Variants in SLC44A5 observed in about 807,000 individuals in gnomAD.
SLC44A5 encodes the protein solute carrier family 44 member 5.
Under a neutral mutation model 101.8 loss-of-function variants are expected in SLC44A5, and 57 were observed. That is an observed-to-expected ratio of 0.56 (90% CI 0.45 to 0.70). The LOEUF (loss-of-function observed/expected upper bound fraction) is 0.70. Among genes scored for constraint, SLC44A5 ranks in the 30% least tolerant of loss-of-function variants. The pLI, the probability that SLC44A5 is intolerant of heterozygous loss-of-function variation, is 0.00. For synonymous variants in SLC44A5, 281 were observed against 290.9 expected (o/e 0.97, Z 0.35); for missense variants, 737 against 853.1 (o/e 0.86, Z 1.70).
the SLC44A5 span, among the ~76,000 whole-genome samples, chr1:75,638,704 C>G: frequency 1.3e-5 from 2 of 152,004 alleles, no homozygotes; most frequent in Non-Finnish European, 2.9e-5. Flanking sequence ...TAGTTTTCAG[C>G]CAATCAACTT....
At chr1:75,528,550 A>G (rs1670550601) in intron 2 of SLC44A5, among the ~76,000 whole-genome samples, 1 of 152,148 alleles carries the variant, frequency 6.6e-6, no homozygotes, top group Admixed American at 6.5e-5. Context: ...TTCTTCTATG[A>G]AAACATGTGC....
chr1:75,496,538 TG>T (rs1668680951), intron 2 of SLC44A5, among the ~76,000 whole-genome samples: 1 of 151,670 alleles, frequency 6.6e-6, no homozygotes, highest in Non-Finnish European at 1.5e-5. Context: ...ACAAGCTCTA[TG>T]ATGTTGGTCT....
intron 6 of SLC44A5, among the ~76,000 whole-genome samples, chr1:75,252,412 C>A (rs1305912150): frequency 6.6e-6 from 1 of 152,302 alleles, no homozygotes; most frequent in Middle Eastern, 3.4e-3. Context: ...GGGATAGATC[C>A]TTTAATCACT....
chr1:75,233,113 G>A (rs1162945014), intron 12 of SLC44A5, among the ~76,000 whole-genome samples: 1 of 152,096 alleles, frequency 6.6e-6, no homozygotes, highest in African/African-American at 2.4e-5. Flanking sequence ...TGTTCCACGT[G>A]AGACACTTTA....
At chr1:75,713,739 T>C in the SLC44A5 span, among the ~76,000 whole-genome samples, 1 of 152,174 alleles carries the variant, frequency 6.6e-6, no homozygotes, top group Non-Finnish European at 1.5e-5. Flanking sequence ...ATCTTGATGT[T>C]ATTATATTTA....
At chr1:75,433,783 C>A (rs1664740368) in intron 2 of SLC44A5, among the ~76,000 whole-genome samples, 1 of 152,096 alleles carries the variant, frequency 6.6e-6, no homozygotes, top group South Asian at 2.1e-4. Context: ...TAAAGATGTA[C>A]CCGAGACTGG....
intron 2 of SLC44A5, among the ~76,000 whole-genome samples, chr1:75,496,336 C>T (rs1451705302): frequency 6.6e-6 from 1 of 152,004 alleles, no homozygotes; most frequent in East Asian, 1.9e-4. Flanking sequence ...ACAAGGGTAC[C>T]AAGAACAGAC....
intron 3 of SLC44A5, among the ~76,000 whole-genome samples, chr1:75,385,789 C>A (rs1213301928): frequency 5.3e-5 from 8 of 152,030 alleles, no homozygotes; most frequent in African/African-American, 1.9e-4. Context: ...CCTTGATGAA[C>A]ATTGATGCAA....
chr1:75,541,877 TTTATG>T (rs1443606792), intron 1 of SLC44A5, among the ~76,000 whole-genome samples: 5 of 152,154 alleles, frequency 3.3e-5, no homozygotes, highest in Non-Finnish European at 5.9e-5. Context: ...AGCATTTACA[TTTATG>T]TTTTATGTTT....
intron 2 of SLC44A5, among the ~76,000 whole-genome samples, chr1:75,454,462 G>A (rs1300275112): frequency 6.6e-6 from 1 of 151,962 alleles, no homozygotes; most frequent in Non-Finnish European, 1.5e-5. Context: ...GGCAAAAGCT[G>A]GAAACATTCC....
At chr1:75,291,788 G>A (rs1653566051) in intron 5 of SLC44A5, among the ~76,000 whole-genome samples, 1 of 152,040 alleles carries the variant, frequency 6.6e-6, no homozygotes, top group Non-Finnish European at 1.5e-5. Flanking sequence ...AAGGCGGGTG[G>A]ATCACGAGTT....
At chr1:75,641,864 A>G in the SLC44A5 span, 1 of 1,503,058 alleles carries the variant, frequency 6.7e-7, no homozygotes, top group East Asian at 2.3e-5. Flanking sequence ...AAATACCACT[A>G]CTGTGATATA....
intron 4 of SLC44A5, among the ~76,000 whole-genome samples, chr1:75,329,324 A>G (rs1656847805): frequency 6.6e-6 from 1 of 152,150 alleles, no homozygotes; most frequent in Non-Finnish European, 1.5e-5. Flanking sequence ...TCTGACCCCA[A>G]GAACCCAATC....
At chr1:75,307,254 G>A (rs765830465) in intron 4 of SLC44A5, among the ~76,000 whole-genome samples, 1 of 152,082 alleles carries the variant, frequency 6.6e-6, no homozygotes, top group Admixed American at 6.5e-5. Flanking sequence ...TGTCACCTGG[G>A]TACATCTGTC....
intron 1 of SLC44A5, among the ~76,000 whole-genome samples, chr1:75,557,781 C>G (rs987307376): frequency 8.6e-5 from 13 of 151,894 alleles, no homozygotes; most frequent in South Asian, 4.1e-4. Flanking sequence ...TTTATTTGCT[C>G]AATGATCCAA....
chr1:75,683,756 TAAC>T, the SLC44A5 span, among the ~76,000 whole-genome samples: 2 of 149,976 alleles, frequency 1.3e-5, no homozygotes, highest in Admixed American at 6.6e-5. Flanking sequence ...TAAAGTATAA[TAAC>T]AAATAAATAA....
intron 1 of SLC44A5, among the ~76,000 whole-genome samples, chr1:75,556,529 C>T (rs1570605454): frequency 6.6e-6 from 1 of 152,108 alleles, no homozygotes; most frequent in Non-Finnish European, 1.5e-5. Flanking sequence ...CACTCACTTG[C>T]ATCTTTTCAT....
In SLC44A5 at chr1:75,471,190, G is replaced by C. The variant is rs982731868; in HGVS notation, c.13+70245C>G. Among the ~76,000 whole-genome samples the C allele has an allele frequency of 7.7e-4, 117 of 151,654 alleles. 1 individual carries two copies. The highest frequency in any genetic ancestry group is 7.6e-3 in the Admixed American group (116 of 15,200). On this transcript the variant is annotated intron_variant, in intron 2 of 23. Transcript: ENST00000370859. ...TCTTTGGAGTTTCATAAAATTAATG[G>C]CTTGTAACATCTCATTACTGGGCAA...
chr1:75,706,935 G>C, the SLC44A5 span, among the ~76,000 whole-genome samples: 2 of 152,112 alleles, frequency 1.3e-5, no homozygotes, highest in African/African-American at 4.8e-5. Flanking sequence ...ACTGAAGGAT[G>C]ACTGATTGTA....
Sources: gnomAD v4.1 joint callset for allele counts (sites outside exome capture counted in the v4.1 genomes callset) on GRCh38, gnomAD v4.1.1 for gene constraint, MANE v1.5 for transcripts, NCBI Gene and HGNC (gene_info 2026-07-23, HGNC 2026-07-21) for gene names.